The following PRKN variants were observed in gnomAD, a reference collection of about 807,000 sequenced individuals.
PRKN encodes the protein parkin RBR E3 ubiquitin protein ligase.
Under a neutral mutation model 59.5 loss-of-function variants are expected in PRKN, and 56 were observed. The observed-to-expected ratio is 0.94, with a 90% CI of 0.76 to 1.18. The LOEUF (loss-of-function observed/expected upper bound fraction) is 1.18, where lower values mean the gene tolerates loss of function less well. Ranked by LOEUF, PRKN falls within the 50% of genes most tolerant of loss-of-function variation. The pLI is 0.00. For synonymous variants in PRKN, 250 were observed against 222.1 expected, an observed-to-expected ratio of 1.13 and a Z score of -1.12; for missense variants, 657 against 596.4, an observed-to-expected ratio of 1.10 and a Z score of -1.06.
rs749794202 is a variant in PRKN at position 161,377,343 on chromosome 6, G to A, written c.1167+9451C>T. On this transcript the variant is annotated intron_variant, in intron 10 of 11. Transcript: ENST00000366898. The surrounding 1 kb of genome is among the most constrained non-coding windows in gnomAD (Gnocchi z 4.2). ...TGCACAAGCAGGTCCTCAGACCCCC[G>A]TGCCATCCACACCGTGGCATGACTG... 3.3e-5 allele frequency among the ~76,000 whole-genome samples: 5 copies of A among 152,336 alleles called. No individual in the cohort carries two copies. The highest frequency in any genetic ancestry group is 4.8e-5 in the African/African-American group (2 of 41,564).
In PRKN at chr6:161,530,243, G is replaced by T. The variant is rs1485780597; in HGVS notation, c.1083+18611C>A. ...TCTGGAGGTCATAGTCCAAAGGAAG[G>T]GTTGTAAATTTAGACATTTTTTGAA... On this transcript the variant is annotated intron_variant, in intron 9 of 11. Coordinates refer to ENST00000366898, the MANE Select transcript of PRKN (RefSeq NM_004562.3). This position sits in a 1 kb window ranked among gnomAD's most constrained non-coding sequence, Gnocchi z 5.0. 6.6e-6 allele frequency among the ~76,000 whole-genome samples: 1 copy of T among 152,120 alleles called. No homozygotes were observed. The highest frequency in any genetic ancestry group is 2.4e-5 in the African/African-American group (1 of 41,430).
At position 161,599,481 on chromosome 6, in the gene PRKN, T is replaced by C. The variant is rs544407546; in HGVS notation, c.872-30065A>G. Among the ~76,000 whole-genome samples the C allele has an allele frequency of 1.2e-4, 18 of 152,314 alleles. No individual in the cohort carries two copies. In the South Asian group the frequency reaches 3.7e-3, roughly 32 times the overall value. On this transcript the variant is annotated intron_variant, in intron 7 of 11. Coordinates refer to ENST00000366898, the MANE Select transcript of PRKN (RefSeq NM_004562.3). The stretch of plus-strand genomic sequence containing the variant: ...TGTAACTTATCCTTAAGACTATTGT[T>C]CTGATAAAAATAACGTTTCTTTAGA...
intron 9 of PRKN, among the ~76,000 whole-genome samples, chr6:161,408,068 T>G (rs1787359077): frequency 6.6e-6 from 1 of 152,162 alleles, no homozygotes; most frequent in African/African-American, 2.4e-5. Context: ...TCTCTTCACA[T>G]GGACAGGCTT....
At chr6:161,420,871 T>C (rs1430986278) in intron 9 of PRKN, among the ~76,000 whole-genome samples, 1 of 152,184 alleles carries the variant, frequency 6.6e-6, no homozygotes, top group African/African-American at 2.4e-5. Context: ...AAGAGAGAAT[T>C]TGCCGGGCTG....
At chr6:162,204,808 A>C (rs1162431620) in intron 3 of PRKN, among the ~76,000 whole-genome samples, 2 of 151,078 alleles carry the variant, frequency 1.3e-5, no homozygotes, top group African/African-American at 4.9e-5. Context: ...TCAGAGGTCC[A>C]CTGGCTTTCT....
At position 161,428,493 on chromosome 6, in the gene PRKN, G is replaced by A. The variant is rs905751377; in HGVS notation, c.1084-41616C>T. Among the ~76,000 whole-genome samples the A allele has an allele frequency of 1.3e-5, 2 of 152,148 alleles. No homozygotes were observed. Among genetic ancestry groups the A allele is most frequent in the African/African-American group, 4.8e-5 (2 of 41,428 alleles). ...TCCATCTTCGAACCTGGCTGGCATC[G>A]CAGATGCCCGTGCCCAGGGCAGCAG... is the stretch of plus-strand genomic sequence containing the variant. On this transcript the variant is annotated intron_variant, in intron 9 of 11. Coordinates refer to ENST00000366898, the MANE Select transcript of PRKN (RefSeq NM_004562.3). This position sits in a 1 kb window ranked among gnomAD's most constrained non-coding sequence, Gnocchi z 4.0.
At chr6:162,556,762 A>G (rs1016766984) in intron 1 of PRKN, among the ~76,000 whole-genome samples, 8 of 150,980 alleles carry the variant, frequency 5.3e-5, no homozygotes, top group Non-Finnish European at 1.0e-4. Flanking sequence ...AAAAAAAAAA[A>G]AGAGAAAAGG....
At position 161,533,142 on chromosome 6, in the gene PRKN, T is replaced by C. The variant is rs982325568; in HGVS notation, c.1083+15712A>G. Among the ~76,000 whole-genome samples, 1 of 152,084 alleles carries C rather than the reference T, an allele frequency of 6.6e-6. No individual in the cohort carries two copies. Among genetic ancestry groups the C allele is most frequent in the African/African-American group, 2.4e-5 (1 of 41,368 alleles). ...TTATGAATTCAATTTCTAAATAATCTCTAAAATAAAAGAATGATCTAAATC... is the reference window on the plus strand; with the variant it reads ...TTATGAATTCAATTTCTAAATAATCCCTAAAATAAAAGAATGATCTAAATC... On this transcript the variant is annotated intron_variant, in intron 9 of 11. Transcript: ENST00000366898. The surrounding 1 kb of genome is among the most constrained non-coding windows in gnomAD (Gnocchi z 4.1).
chr6:162,321,576 A>G (rs993550780), intron 2 of PRKN, among the ~76,000 whole-genome samples: 19 of 152,122 alleles, frequency 1.2e-4, no homozygotes, highest in Non-Finnish European at 2.7e-4. Flanking sequence ...ATATTGTGAG[A>G]AAAGAAAACC....
At chr6:161,906,619 TAGTC>T (rs1333312858) in intron 6 of PRKN, among the ~76,000 whole-genome samples, 2 of 147,188 alleles carry the variant, frequency 1.4e-5, no homozygotes, top group Admixed American at 6.8e-5. Context: ...CCAAGTGTAT[TAGTC>T]AGGGTTCTCA....
chr6:162,668,051 A>C (rs1779170572), intron 1 of PRKN, among the ~76,000 whole-genome samples: 1 of 152,218 alleles, frequency 6.6e-6, no homozygotes. Flanking sequence ...TACATTTCTC[A>C]ATTTAGCTTA....
At chr6:162,179,663 GT>G (rs1162910891) in intron 4 of PRKN, among the ~76,000 whole-genome samples, 1 of 152,104 alleles carries the variant, frequency 6.6e-6, no homozygotes, top group Non-Finnish European at 1.5e-5. Context: ...CACACTGAAG[GT>G]TTATGCCCCT....
intron 9 of PRKN, among the ~76,000 whole-genome samples, chr6:161,434,110 G>T (rs1474419714): frequency 1.3e-5 from 2 of 152,070 alleles, no homozygotes; most frequent in Admixed American, 6.6e-5. Context: ...TTAAACACTT[G>T]TGAGGAGGTA....
chr6:162,257,677 G>A (rs1416564534), intron 3 of PRKN, among the ~76,000 whole-genome samples: 1 of 152,102 alleles, frequency 6.6e-6, no homozygotes. Context: ...CAGGGAAACA[G>A]GGTTTCTATA....
chr6:161,567,429 T>C (rs9458305), intron 8 of PRKN, among the ~76,000 whole-genome samples: 51,617 of 151,834 alleles, frequency 0.34, 10,119 homozygotes, highest in East Asian at 0.71. Context: ...TATGTGTATA[T>C]AATATGGTTT....
intron 1 of PRKN, among the ~76,000 whole-genome samples, chr6:162,661,946 G>A (rs1778901347): frequency 6.6e-6 from 1 of 152,144 alleles, no homozygotes; most frequent in South Asian, 2.1e-4. Flanking sequence ...ACTGTACCCA[G>A]TAGGTTTTTC....
intron 7 of PRKN, among the ~76,000 whole-genome samples, chr6:161,723,124 T>G (rs1290922009): frequency 6.6e-6 from 1 of 152,000 alleles, no homozygotes; most frequent in African/African-American, 2.4e-5. Flanking sequence ...AAAAATTAGC[T>G]GAGTGTGGAG....
chr6:162,042,292 A>C (rs1314068228), intron 5 of PRKN, among the ~76,000 whole-genome samples: 1 of 151,972 alleles, frequency 6.6e-6, no homozygotes, highest in Non-Finnish European at 1.5e-5. Flanking sequence ...TTCATGACTG[A>C]ACCATAGTCC....
At chr6:161,570,217 A>C (rs1030362045) in intron 7 of PRKN, among the ~76,000 whole-genome samples, 2 of 143,988 alleles carry the variant, frequency 1.4e-5, no homozygotes, top group Admixed American at 1.4e-4. Flanking sequence ...ATATTATATA[A>C]TTATATTTAA....
Sources: gnomAD v4.1 joint callset for allele counts (sites outside exome capture counted in the v4.1 genomes callset) on GRCh38, gnomAD v4.1.1 for gene constraint, Gnocchi (gnomAD v3.1) non-coding constraint, MANE v1.5 for transcripts, NCBI Gene and HGNC (gene_info 2026-07-23, HGNC 2026-07-21) for gene names.